Variants in FGF14 observed in about 807,000 individuals in gnomAD.
FGF14 encodes the protein fibroblast growth factor homologous factor 4.
In FGF14, 5 loss-of-function variants were observed where a neutral mutation model predicts 25.5. The observed-to-expected ratio is 0.20, with a 90% CI of 0.10 to 0.41. The LOEUF is 0.41. FGF14 is among the 10% of genes least tolerant of loss of function. The probability of loss-of-function intolerance (pLI) is 1.00; values close to 1 mark genes in which losing one functional copy is unlikely to be tolerated. For missense variants in FGF14, 222 were observed against 320.1 expected, an observed-to-expected ratio of 0.69 and a Z score of 2.34; for synonymous variants, 138 against 118.3, an observed-to-expected ratio of 1.17 and a Z score of -1.08.
At chr13:102,370,936 C>CAA (rs34438270) in intron 1 of FGF14, among the ~76,000 whole-genome samples, 19,444 of 130,276 alleles carry the variant, frequency 0.15, 1,408 homozygotes, top group Non-Finnish European at 0.18. Context: ...TTCCGCATAC[C>CAA]AAAAAAAAAA....
chr13:102,055,419 C>G (rs1395840279), intron 1 of FGF14, among the ~76,000 whole-genome samples: 22 of 152,136 alleles, frequency 1.4e-4, no homozygotes, highest in Admixed American at 1.3e-3. Flanking sequence ...TTTGTTTGTT[C>G]TCCAAACATA....
chr13:101,756,191 C>A (rs1357479339), intron 3 of FGF14, among the ~76,000 whole-genome samples: 1 of 152,136 alleles, frequency 6.6e-6, no homozygotes, highest in African/African-American at 2.4e-5. Context: ...AAGTTAATAT[C>A]TCCTTATGAA....
intron 1 of FGF14, among the ~76,000 whole-genome samples, chr13:102,303,683 T>C (rs188180922): frequency 6.6e-6 from 1 of 152,298 alleles, no homozygotes; most frequent in East Asian, 1.9e-4. Context: ...GTGGTGGACT[T>C]GAGACAGACA....
intron 1 of FGF14, among the ~76,000 whole-genome samples, chr13:102,049,877 A>G (rs919928673): frequency 4.6e-5 from 7 of 152,180 alleles, no homozygotes; most frequent in Admixed American, 1.3e-4. Context: ...GAGAGGCATC[A>G]AACATATTCT....
chr13:101,779,784 T>A (rs1228706857), intron 3 of FGF14, among the ~76,000 whole-genome samples: 1 of 152,176 alleles, frequency 6.6e-6, no homozygotes, highest in Non-Finnish European at 1.5e-5. Context: ...AATGGTAACA[T>A]GATTTGACTA....
At chr13:102,152,899 G>T (rs2047150506) in intron 1 of FGF14, among the ~76,000 whole-genome samples, 1 of 152,114 alleles carries the variant, frequency 6.6e-6, no homozygotes, top group Non-Finnish European at 1.5e-5. Flanking sequence ...CGTTTAAGAG[G>T]TCTGTTTTTG....
At chr13:102,049,013 G>C (rs759452695) in intron 1 of FGF14, among the ~76,000 whole-genome samples, 1 of 151,774 alleles carries the variant, frequency 6.6e-6, no homozygotes, top group African/African-American at 2.4e-5. Flanking sequence ...TCCAAGAAAG[G>C]GCAAAAATTA....
At chr13:102,217,975 TA>T (rs1220956297) in intron 1 of FGF14, among the ~76,000 whole-genome samples, 1 of 152,182 alleles carries the variant, frequency 6.6e-6, no homozygotes, top group African/African-American at 2.4e-5. Flanking sequence ...CACATATATT[TA>T]CAAATTAGTA....
At chr13:102,396,289 A>G (rs139103674) in intron 1 of FGF14, among the ~76,000 whole-genome samples, 1 of 152,204 alleles carries the variant, frequency 6.6e-6, no homozygotes, top group Admixed American at 6.5e-5. Context: ...GGCACAGTGC[A>G]ATGACTTGTT....
At chr13:101,878,933 C>T (rs148120983) in intron 1 of FGF14, among the ~76,000 whole-genome samples, 113 of 107,562 alleles carry the variant, frequency 1.1e-3, no homozygotes, top group African/African-American at 4.1e-3. Flanking sequence ...TTCTAGTAAA[C>T]GTTAAATATA....
At chr13:101,783,992 T>A (rs547566631) in intron 3 of FGF14, among the ~76,000 whole-genome samples, 3 of 152,172 alleles carry the variant, frequency 2.0e-5, no homozygotes, top group African/African-American at 7.2e-5. Flanking sequence ...AAAGATCAGA[T>A]AGTTGTAAGT....
chr13:101,824,334 C>T (rs1035007510), intron 3 of FGF14, among the ~76,000 whole-genome samples: 3 of 152,206 alleles, frequency 2.0e-5, no homozygotes, highest in East Asian at 1.9e-4. Flanking sequence ...TGTGTGTGTG[C>T]GCGCGTGCAC....
At chr13:101,864,455 G>A (rs189505292) in intron 3 of FGF14, among the ~76,000 whole-genome samples, 38 of 152,118 alleles carry the variant, frequency 2.5e-4, no homozygotes, top group African/African-American at 8.2e-4. Flanking sequence ...TAGAATAACC[G>A]GCAGAAGTGA....
chr13:102,207,769 TA>T (rs920554434), intron 1 of FGF14, among the ~76,000 whole-genome samples: 1 of 152,108 alleles, frequency 6.6e-6, no homozygotes, highest in Admixed American at 6.5e-5. Flanking sequence ...TGACATCACC[TA>T]GCCCAAACAT....
In FGF14 at chr13:101,722,564, G is replaced by T; in HGVS notation, c.*267C>A. On this transcript the variant is annotated 3_prime_UTR_variant, in exon 5 of 5. Coordinates refer to ENST00000376143, the MANE Select transcript of FGF14 (RefSeq NM_004115.4). The stretch of plus-strand genomic sequence containing the variant: ...TATGTCATTCACATGAAGTGTCACA[G>T]TCACAGAAAAGATATTAAAAAGGCA... 1 of 498,198 alleles carries T rather than the reference G, an allele frequency of 2.0e-6. No individual in the cohort carries two copies. Among genetic ancestry groups the T allele is most frequent in the South Asian group, 2.0e-5 (1 of 48,958 alleles). The allele number at this position is 498,198 out of a possible 1,614,324, so 30.9% of individuals were successfully genotyped here. A position where few individuals can be genotyped will look rare whatever the true frequency, so the allele number is the denominator to read the frequency against.
chr13:102,164,914 T>G (rs932093300), intron 1 of FGF14, among the ~76,000 whole-genome samples: 1 of 152,114 alleles, frequency 6.6e-6, no homozygotes, highest in Non-Finnish European at 1.5e-5. Flanking sequence ...AGATGCATAG[T>G]GACAATATGA....
At chr13:101,830,318 G>C (rs1342145280) in intron 3 of FGF14, among the ~76,000 whole-genome samples, 2 of 152,030 alleles carry the variant, frequency 1.3e-5, no homozygotes, top group Non-Finnish European at 1.5e-5. Context: ...TGTGATGAAG[G>C]ATAGAAAGAA....
intron 1 of FGF14, among the ~76,000 whole-genome samples, chr13:101,905,425 C>T (rs2032116228): frequency 6.6e-6 from 1 of 152,094 alleles, no homozygotes. Context: ...AGCTGGAAAC[C>T]ATCATTCTCA....
At chr13:102,257,576 A>G (rs1294915843) in intron 1 of FGF14, among the ~76,000 whole-genome samples, 1 of 151,354 alleles carries the variant, frequency 6.6e-6, no homozygotes. Context: ...GAAGTGATCC[A>G]CCTGCCTTGG....
Sources: allele counts gnomAD v4.1 joint callset (sites outside exome capture counted in the v4.1 genomes callset), GRCh38; gene constraint gnomAD v4.1.1; transcripts MANE v1.5; gene names NCBI Gene and HGNC (gene_info 2026-07-23, HGNC 2026-07-21).